Variants in TPTE observed in about 807,000 individuals in gnomAD.
TPTE encodes the protein putative tyrosine-protein phosphatase TPTE.
Under a neutral mutation model 84.1 loss-of-function variants are expected in TPTE, and 59 were observed. The observed-to-expected ratio is 0.70, with a 90% CI of 0.57 to 0.87. The LOEUF (loss-of-function observed/expected upper bound fraction) is 0.87. TPTE is among the 40% of genes least tolerant of loss of function. The pLI is 0.00. For missense variants in TPTE, 382 were observed against 659.6 expected (o/e 0.58, Z 4.61); for synonymous variants, 130 against 223.5 (o/e 0.58, Z 3.73).
At chr21:10,554,559 A>G (rs1266114200) in intron 8 of TPTE, among the ~76,000 whole-genome samples, 2 of 152,308 alleles carry the variant, frequency 1.3e-5, no homozygotes, top group African/African-American at 2.4e-5. Flanking sequence ...CTGAAAAGTT[A>G]AATCTATTGA....
At chr21:10,539,848 A>G (rs2074335493) in intron 4 of TPTE, among the ~76,000 whole-genome samples, 1 of 152,310 alleles carries the variant, frequency 6.6e-6, no homozygotes, top group South Asian at 2.1e-4. Flanking sequence ...CATCTCTACT[A>G]AAAATACAAA....
chr21:10,541,034 A>T (rs1236381621), intron 4 of TPTE, 78 bp from the exon 5 acceptor site: 1 of 1,594,570 alleles, frequency 6.3e-7, no homozygotes, highest in Non-Finnish European at 8.6e-7. Context: ...GGAATGACAC[A>T]TAGACTAACT....
Position 10,605,424 on chromosome 21 carries a change from C to A in TPTE, c.1528C>A (p.Leu510Ile). 6.2e-7 allele frequency: 1 copy of A among 1,613,936 alleles called. No individual in the cohort carries two copies. The highest frequency in any genetic ancestry group is 8.5e-7 in the Non-Finnish European group (1 of 1,179,894). Residue 510 changes from leucine to isoleucine, a missense_variant, in exon 24 of 24, where the codon CTA becomes ATA. Physicochemically the swap from Leu to Ile is conservative, Grantham distance 5. Transcript: ENST00000618007. ...ATTTTTTTCTATTCTTAGGCTTTAT[C>A]TACCAAAAAATGAATTGGATAATCT... ...TSFIENNRLYLPKNELDNLHK... is the reference protein window; with the variant it reads ...TSFIENNRLYIPKNELDNLHK...
chr21:10,590,489 T>G lies in TPTE; in HGVS notation c.1055T>G (p.Phe352Cys), dbSNP rs148651545. The G allele has an allele frequency of 1.3e-3, 2,052 of 1,608,394 alleles. No individual in the cohort carries two copies. In the African/African-American group the frequency reaches 0.025, roughly 20 times the overall value. Residue 352 changes from phenylalanine to cysteine, a missense_variant, in exon 18 of 24, where the codon TTC (phenylalanine) becomes TGC (cysteine). Coordinates refer to ENST00000618007, the MANE Select transcript of TPTE (RefSeq NM_199261.4). ...TDRTGTMVCA[F>C]LIASEICSTA... is the part of the protein sequence containing the mutation. ...AGAACAGGAACTATGGTTTGTGCCTTCCTTATTGCCTCTGAAATATGTTCA... is the reference window on the plus strand; with the variant it reads ...AGAACAGGAACTATGGTTTGTGCCTGCCTTATTGCCTCTGAAATATGTTCA...
At position 10,597,573 on chromosome 21, in the gene TPTE, C is replaced by T. The variant is rs1425337313; in HGVS notation, c.1277-442C>T. ...GGGATTACAGGCATGTGCCACCACG[C>T]CTGGCTAATTTTTGTATTTTTAGTA... On this transcript the variant is annotated intron_variant, in intron 20 of 23. Transcript: ENST00000618007. 2.0e-5 allele frequency among the ~76,000 whole-genome samples: 3 copies of T among 152,424 alleles called. No individual in the cohort carries two copies. In the East Asian group the frequency reaches 5.8e-4, roughly 29 times the overall value.
intron 6 of TPTE, among the ~76,000 whole-genome samples, chr21:10,542,834 G>A (rs1292616329): frequency 1.3e-5 from 2 of 152,306 alleles, no homozygotes; most frequent in African/African-American, 2.4e-5. Context: ...CTATAAAAAG[G>A]AGCAGGTCGT....
In TPTE at chr21:10,553,491, TGCAGATTA is replaced by T. The variant is rs1226181162; in HGVS notation, c.233+778_233+785del. Among the ~76,000 whole-genome samples, 8 of 152,424 alleles carry T rather than the reference TGCAGATTA, an allele frequency of 5.2e-5. No homozygotes were observed. The East Asian group carries it at 1.5e-3, about 29-fold the overall frequency. ...TTGCCACTGAATTAAACTGTGTGTC[TGCAGATTA>T]GCTATACGTTTTCTGTAATGGAGCT... On this transcript the variant is annotated intron_variant, in intron 8 of 23. Transcript: ENST00000618007.
At chr21:10,592,132 T>G (rs2075489297) in intron 18 of TPTE, among the ~76,000 whole-genome samples, 161 bp from the exon 19 acceptor site, 1 of 152,310 alleles carries the variant, frequency 6.6e-6, no homozygotes, top group African/African-American at 2.4e-5. Flanking sequence ...GCCACTGTAC[T>G]CCAGTCTGGG....
At chr21:10,535,794 CCCCAAA>C (rs1159949702) in intron 3 of TPTE, among the ~76,000 whole-genome samples, 1 of 152,306 alleles carries the variant, frequency 6.6e-6, no homozygotes, top group African/African-American at 2.4e-5. Flanking sequence ...GAGGCTGGTG[CCCCAAA>C]CCCAAACCCA....
chr21:10,555,775 A>G (rs926752669), intron 8 of TPTE, among the ~76,000 whole-genome samples: 1 of 152,310 alleles, frequency 6.6e-6, no homozygotes, highest in African/African-American at 2.4e-5. Flanking sequence ...TTGATATGCA[A>G]GTCAGAAGCC....
intron 17 of TPTE, among the ~76,000 whole-genome samples, chr21:10,582,181 A>G (rs1292434680): frequency 6.6e-6 from 1 of 152,428 alleles, no homozygotes; most frequent in Non-Finnish European, 1.5e-5. Context: ...TTCAAGTTCC[A>G]TTTTCAATAT....
intron 21 of TPTE, among the ~76,000 whole-genome samples, chr21:10,600,140 CTTTTTT>C (rs71217979): frequency 1.6e-4 from 23 of 142,462 alleles, no homozygotes; most frequent in Non-Finnish European, 2.8e-4. Context: ...TTTTCTTTTT[CTTTTTT>C]TTTTTTTTTT....
intron 19 of TPTE, 45 bp from the exon 20 acceptor site, chr21:10,595,936 TA>T (rs1408716563): frequency 2.5e-6 from 4 of 1,605,684 alleles, no homozygotes; most frequent in Non-Finnish European, 3.4e-6. Context: ...ATGCCGACTT[TA>T]GACTTTTCAT....
chr21:10,557,514 C>T (rs959817372), intron 8 of TPTE, among the ~76,000 whole-genome samples: 1 of 152,304 alleles, frequency 6.6e-6, no homozygotes, highest in African/African-American at 2.4e-5. Context: ...CCTTGATACC[C>T]AGAGATCTAG....
At chr21:10,583,909 G>A (rs1231609704) in intron 17 of TPTE, among the ~76,000 whole-genome samples, 1 of 152,310 alleles carries the variant, frequency 6.6e-6, no homozygotes, top group Non-Finnish European at 1.5e-5. Flanking sequence ...TCTTACTGTA[G>A]CTTTCTAATA....
chr21:10,528,897 T>A (rs2074128398), intron 3 of TPTE, among the ~76,000 whole-genome samples: 1 of 152,306 alleles, frequency 6.6e-6, no homozygotes, highest in African/African-American at 2.4e-5. Context: ...TTGTCAAAAG[T>A]GTTTTCTGGC....
intron 8 of TPTE, among the ~76,000 whole-genome samples, chr21:10,557,765 T>G (rs946242501): frequency 6.6e-6 from 1 of 152,312 alleles, no homozygotes; most frequent in African/African-American, 2.4e-5. Context: ...TATTTTAGGT[T>G]TGGTGGTACA....
chr21:10,584,213 GATTTT>G (rs2075320628), intron 17 of TPTE, among the ~76,000 whole-genome samples: 1 of 152,304 alleles, frequency 6.6e-6, no homozygotes, highest in African/African-American at 2.4e-5. Context: ...TTTATTCTTA[GATTTT>G]TTTTGTGGTT....
chr21:10,592,032 G>A (rs1179419937), intron 18 of TPTE, among the ~76,000 whole-genome samples: 1 of 152,310 alleles, frequency 6.6e-6, no homozygotes, highest in Non-Finnish European at 1.5e-5. Flanking sequence ...GGGCATGGTG[G>A]TACACACCTG....
Sources: gnomAD v4.1 joint callset for allele counts (sites outside exome capture counted in the v4.1 genomes callset) on GRCh38, gnomAD v4.1.1 for gene constraint, MANE v1.5 for transcripts, NCBI Gene and HGNC (gene_info 2026-07-23, HGNC 2026-07-21) for gene names.